Variants in DYNC2H1 observed in about 807,000 individuals in gnomAD.
The protein encoded by DYNC2H1 is dynein cytoplasmic 2 heavy chain 1, also known as cytoplasmic dynein 2 heavy chain 1.
In DYNC2H1, 410 loss-of-function variants were observed where a neutral mutation model predicts 570.0. The ratio of observed to expected loss-of-function variants is 0.72; its 90% CI spans 0.66 to 0.78. The LOEUF (loss-of-function observed/expected upper bound fraction) is 0.78. Ranked by LOEUF, DYNC2H1 falls within the 30% of genes least tolerant of loss-of-function variation. The pLI is 0.00. For synonymous variants in DYNC2H1, 1,688 were observed against 1,677.6 expected, an observed-to-expected ratio of 1.01 and a Z score of -0.15; for missense variants, 4,865 against 5,046.4, an observed-to-expected ratio of 0.96 and a Z score of 1.09.
chr11:103,398,127 C>A (rs1459905091), intron 83 of DYNC2H1, among the ~76,000 whole-genome samples: 1 of 151,924 alleles, frequency 6.6e-6, no homozygotes, highest in Non-Finnish European at 1.5e-5. Flanking sequence ...ATTTAAATAC[C>A]ACATATTATT....
rs1395950897 is a variant in DYNC2H1, at chr11:103,365,164, C to T, written c.12156+6805C>T. ...ATAATCTGAGGCCAGGAGTTCGAAACCAGCCTGACAAACATGGAGAAACCC... is the reference window on the plus strand; with the variant it reads ...ATAATCTGAGGCCAGGAGTTCGAAATCAGCCTGACAAACATGGAGAAACCC... On this transcript the variant is annotated intron_variant, in intron 83 of 88. Transcript: ENST00000375735. Among the ~76,000 whole-genome samples, 4 of 151,992 alleles carry T rather than the reference C, an allele frequency of 2.6e-5. No homozygotes were observed. In the East Asian group the frequency reaches 5.8e-4, roughly 22 times the overall value.
intron 55 of DYNC2H1, among the ~76,000 whole-genome samples, chr11:103,217,588 T>C (rs1177248931): frequency 6.6e-6 from 1 of 152,126 alleles, no homozygotes; most frequent in African/African-American, 2.4e-5. Context: ...ATTTACACAG[T>C]GTGGATGATG....
intron 80 of DYNC2H1, 64 bp downstream of exon 80, chr11:103,316,684 T>A: frequency 8.0e-7 from 1 of 1,254,670 alleles, no homozygotes; most frequent in Non-Finnish European, 1.1e-6. Context: ...TCTTATTAAC[T>A]ATGTTTTCTT....
intron 85 of DYNC2H1, among the ~76,000 whole-genome samples, chr11:103,444,395 C>T (rs866574227): frequency 2.4e-4 from 37 of 151,906 alleles, no homozygotes; most frequent in African/African-American, 8.9e-4. Flanking sequence ...GCCTTGTTGA[C>T]AGTACTAACA....
chr11:103,223,189 C>T, intron 59 of DYNC2H1, 103 bp downstream of exon 59: 2 of 1,169,782 alleles, frequency 1.7e-6, no homozygotes, highest in Non-Finnish European at 2.2e-6. Flanking sequence ...TGTAAAATGG[C>T]AGTTGACAAT....
intron 87 of DYNC2H1, among the ~76,000 whole-genome samples, chr11:103,467,600 C>G (rs550741354): frequency 2.0e-5 from 3 of 152,090 alleles, no homozygotes; most frequent in Admixed American, 6.5e-5. Flanking sequence ...TGTGGTGGCG[C>G]GATCTCGGCT....
At chr11:103,197,166 T>C (rs1464230878) in intron 47 of DYNC2H1, among the ~76,000 whole-genome samples, 2 of 152,176 alleles carry the variant, frequency 1.3e-5, no homozygotes. Flanking sequence ...CTTTTTGGTA[T>C]TAATACATCT....
Position 103,177,257 on chromosome 11 carries a change from A to G in DYNC2H1, c.5875-299A>G, listed in dbSNP as rs1055570738. Among the ~76,000 whole-genome samples, 3 of 152,186 alleles carry G rather than the reference A, an allele frequency of 2.0e-5. No individual in the cohort carries two copies. Among genetic ancestry groups the G allele is most frequent in the Non-Finnish European group, 4.4e-5 (3 of 68,042 alleles). ...TGAATAAGTGAATAAAATAATGAAT[A>G]TATTTGAATGAGTGAATGAGTGGAG... On this transcript the variant is annotated intron_variant, in intron 37 of 88. Coordinates refer to ENST00000375735, the MANE Select transcript of DYNC2H1 (RefSeq NM_001377.3). This position sits in a 1 kb window ranked among gnomAD's most constrained non-coding sequence, Gnocchi z 4.4.
In DYNC2H1 at chr11:103,199,338, A is replaced by G. The variant is rs377513379; in HGVS notation, c.7950A>G (p.Ser2650=). The change falls in exon 49 of 89, where the codon TCA becomes TCG. Residue 2650 remains serine, a synonymous_variant. Transcript: ENST00000375735. This position sits in a 1 kb window ranked among gnomAD's most constrained non-coding sequence, Gnocchi z 4.6. ...GAGTGCTGAGTTTCCCTGGAGGTTC[A>G]CTTCTATTAGCAGGACGCAGTGGTG... ...IDRVLSFPGG[S]LLLAGRSGVG... 1.3e-5 allele frequency: 21 copies of G among 1,611,954 alleles called. No individual in the cohort carries two copies. Among genetic ancestry groups the G allele is most frequent in the Non-Finnish European group, 1.6e-5 (19 of 1,179,690 alleles).
Position 103,399,856 on chromosome 11 carries a change from C to T in DYNC2H1, c.12350C>T (p.Ala4117Val). ...TCAGAAGTACAAAAATTGGCAAGTGCTTTATTAAACCAAAAGGTAAGCGAG... is the reference window on the plus strand; with the variant it reads ...TCAGAAGTACAAAAATTGGCAAGTGTTTTATTAAACCAAAAGGTAAGCGAG... The part of the protein sequence containing the change: ...LSSEVQKLAS[A>V]LLNQKCPLAW... The change falls in exon 84 of 89, where the codon GCT (alanine) becomes GTT (valine). Residue 4117 changes from alanine (A) to valine (V), a missense_variant. By Grantham distance (64) the Ala-to-Val change is moderately conservative (BLOSUM62 0). Around this residue, in one of 5 missense-constraint regions of DYNC2H1, gnomAD observed 2,401 missense variants for 2,454.6 expected, o/e 0.98. Coordinates refer to ENST00000375735, the MANE Select transcript of DYNC2H1 (RefSeq NM_001377.3). 6.2e-7 allele frequency: 1 copy of T among 1,613,500 alleles called. No homozygotes were observed. The highest frequency in any genetic ancestry group is 8.5e-7 in the Non-Finnish European group (1 of 1,179,708).
intron 47 of DYNC2H1, among the ~76,000 whole-genome samples, chr11:103,196,918 T>G (rs942897339): frequency 2.0e-5 from 3 of 152,054 alleles, no homozygotes; most frequent in Admixed American, 6.6e-5. Context: ...ATGACATAGC[T>G]TGGATCTAGG....
rs1196584015 is a variant in DYNC2H1 at position 103,234,043 on chromosome 11, C to T, written c.9450C>T (p.Ser3150=). ...KVSELKEKFQ[S]RTSEAAKLEA... The stretch of plus-strand genomic sequence containing the variant: ...TTTAATGTTTACATAGATTTCAGAG[C>T]AGGACTTCAGAAGCTGCCAAACTTG... Residue 3150 remains serine, a synonymous_variant, in exon 61 of 89, where the codon AGC becomes AGT. Transcript: ENST00000375735. The T allele has an allele frequency of 6.4e-7, 1 of 1,554,808 alleles. No homozygotes were observed. Among genetic ancestry groups the T allele is most frequent in the Non-Finnish European group, 8.7e-7 (1 of 1,148,400 alleles).
At chr11:103,294,846 G>A (rs1316042766) in intron 75 of DYNC2H1, among the ~76,000 whole-genome samples, 2 of 152,190 alleles carry the variant, frequency 1.3e-5, no homozygotes, top group African/African-American at 2.4e-5. Context: ...CAACTAAGGA[G>A]CAAAGGCCTG....
chr11:103,448,194 G>A (rs1400427291), intron 85 of DYNC2H1, among the ~76,000 whole-genome samples: 2 of 152,060 alleles, frequency 1.3e-5, no homozygotes, highest in Admixed American at 6.6e-5. Flanking sequence ...TAAGCAAATC[G>A]GGGGAGGTTG....
At chr11:103,339,932 C>G (rs932635806) in intron 82 of DYNC2H1, among the ~76,000 whole-genome samples, 1 of 152,166 alleles carries the variant, frequency 6.6e-6, no homozygotes, top group Non-Finnish European at 1.5e-5. Context: ...TTGTGTTCCA[C>G]TGTGATAGGG....
chr11:103,227,831 C>T (rs1863858448), intron 59 of DYNC2H1, among the ~76,000 whole-genome samples: 3 of 152,164 alleles, frequency 2.0e-5, no homozygotes, highest in Admixed American at 2.0e-4. Context: ...TTTCTTAGGT[C>T]TAGTAGTAAT....
At chr11:103,430,721 T>G (rs1334167385) in intron 84 of DYNC2H1, among the ~76,000 whole-genome samples, 1 of 124,554 alleles carries the variant, frequency 8.0e-6, no homozygotes, top group African/African-American at 3.4e-5. Flanking sequence ...TGCTTCTTCC[T>G]TTCCCTGCTG....
intron 56 of DYNC2H1, 112 bp from the exon 57 acceptor site, chr11:103,220,511 A>T (rs931646936): frequency 9.5e-7 from 1 of 1,049,954 alleles, no homozygotes; most frequent in South Asian, 2.1e-5. Flanking sequence ...GAGAGAGAAC[A>T]TTAGTAACTA....
At chr11:103,197,849 A>G (rs1862561670) in intron 47 of DYNC2H1, 84 bp from the exon 48 acceptor site, 3 of 1,414,720 alleles carry the variant, frequency 2.1e-6, no homozygotes, top group Admixed American at 4.6e-5. Context: ...TTATTAACTT[A>G]AAAATGTTTT....
Sources: gnomAD v4.1 joint callset for allele counts (sites outside exome capture counted in the v4.1 genomes callset) on GRCh38, gnomAD v4.1.1 for gene constraint, gnomAD v4.1.1 regional missense constraint, Gnocchi (gnomAD v3.1) non-coding constraint, MANE v1.5 for transcripts, NCBI Gene and HGNC (gene_info 2026-07-23, HGNC 2026-07-21) for gene names.